Variants in WDR70 observed in about 807,000 individuals in gnomAD.
WDR70 encodes the protein WD repeat-containing protein 70.
Under a neutral mutation model 88.6 loss-of-function variants are expected in WDR70, and 53 were observed. The observed-to-expected ratio is 0.60, with a 90% CI of 0.48 to 0.75. WDR70 has a LOEUF of 0.75. Among genes scored for constraint, WDR70 ranks in the 30% least tolerant of loss-of-function variants. The probability of loss-of-function intolerance (pLI) is 0.00; values close to 1 mark genes in which losing one functional copy is unlikely to be tolerated. For missense variants in WDR70, 610 were observed against 823.2 expected (o/e 0.74, Z 3.17); for synonymous variants, 280 against 270.0 (o/e 1.04, Z -0.36).
chr5:37,676,821 CCTT>C (rs916712259), intron 10 of WDR70, among the ~76,000 whole-genome samples: 1 of 152,222 alleles, frequency 6.6e-6, no homozygotes, highest in Non-Finnish European at 1.5e-5. Flanking sequence ...ACCCGTTCCT[CCTT>C]CTACCTCTGG....
intron 9 of WDR70, among the ~76,000 whole-genome samples, chr5:37,591,187 G>A (rs963302379): frequency 2.0e-5 from 3 of 152,014 alleles, no homozygotes; most frequent in African/African-American, 7.2e-5. Flanking sequence ...ACAAAAGTTA[G>A]CCAGGCATAG....
At chr5:37,425,478 TA>T (rs1264487656) in intron 5 of WDR70, among the ~76,000 whole-genome samples, 1 of 152,080 alleles carries the variant, frequency 6.6e-6, no homozygotes, top group Non-Finnish European at 1.5e-5. Flanking sequence ...GGTGCAGGCA[TA>T]AGGAACAGCT....
At chr5:37,538,292 G>A (rs920444178) in intron 9 of WDR70, among the ~76,000 whole-genome samples, 1 of 152,226 alleles carries the variant, frequency 6.6e-6, no homozygotes, top group Admixed American at 6.5e-5. Flanking sequence ...TGACCATGGT[G>A]TAGATAGCCT....
At chr5:37,441,243 T>G (rs747722221) in intron 6 of WDR70, among the ~76,000 whole-genome samples, 5 of 152,230 alleles carry the variant, frequency 3.3e-5, no homozygotes, top group Non-Finnish European at 7.3e-5. Flanking sequence ...ACTATTCATT[T>G]ATTTTTGTTT....
At chr5:37,402,999 T>C (rs1376916905) in intron 5 of WDR70, among the ~76,000 whole-genome samples, 1 of 127,958 alleles carries the variant, frequency 7.8e-6, no homozygotes, top group Non-Finnish European at 1.6e-5. Flanking sequence ...CAGCCTGGAG[T>C]GCACTGGCAC....
chr5:37,556,331 T>C (rs556964599), intron 9 of WDR70, among the ~76,000 whole-genome samples: 94 of 152,284 alleles, frequency 6.2e-4, no homozygotes, highest in Admixed American at 1.8e-3. Flanking sequence ...TATCAAGGGA[T>C]TGGGTAGACT....
intron 7 of WDR70, among the ~76,000 whole-genome samples, chr5:37,452,092 A>G (rs528203369): frequency 2.0e-5 from 3 of 152,216 alleles, no homozygotes; most frequent in Admixed American, 2.0e-4. Context: ...TTGTTGAATC[A>G]TTGTTCTAGT....
At chr5:37,737,029 A>T (rs543636311) in intron 17 of WDR70, among the ~76,000 whole-genome samples, 57 of 152,152 alleles carry the variant, frequency 3.7e-4, no homozygotes, top group Non-Finnish European at 6.0e-4. Flanking sequence ...TATTGTGTTT[A>T]ACATAAAAAT....
At chr5:37,478,326 T>G (rs1469369596) in intron 7 of WDR70, among the ~76,000 whole-genome samples, 2 of 152,240 alleles carry the variant, frequency 1.3e-5, no homozygotes, top group Non-Finnish European at 2.9e-5. Context: ...CAATTGTGGT[T>G]GCCCTACTGT....
chr5:37,670,930 A>G (rs183105465), intron 10 of WDR70, among the ~76,000 whole-genome samples: 2 of 152,330 alleles, frequency 1.3e-5, no homozygotes, highest in East Asian at 3.9e-4. Context: ...GCACCTTTAT[A>G]TGACAGTTCT....
intron 9 of WDR70, among the ~76,000 whole-genome samples, chr5:37,567,586 C>T (rs1327225986): frequency 6.6e-6 from 1 of 151,938 alleles, no homozygotes; most frequent in Non-Finnish European, 1.5e-5. Flanking sequence ...ATTGCTGTGT[C>T]TCATGGGCTT....
At chr5:37,697,568 C>G (rs527780117) in intron 10 of WDR70, 87 bp from the exon 11 acceptor site, 2 of 1,051,214 alleles carry the variant, frequency 1.9e-6, no homozygotes, top group African/African-American at 3.1e-5. Context: ...TTATTTTCAT[C>G]GTAATAAAGT....
intron 8 of WDR70, among the ~76,000 whole-genome samples, chr5:37,483,332 T>G (rs923836750): frequency 1.3e-5 from 2 of 151,992 alleles, no homozygotes; most frequent in African/African-American, 4.8e-5. Context: ...TTCAAGCATC[T>G]GTTTAACAAA....
chr5:37,417,373 C>T (rs952866617), intron 5 of WDR70, among the ~76,000 whole-genome samples: 1 of 151,734 alleles, frequency 6.6e-6, no homozygotes, highest in Admixed American at 6.6e-5. Context: ...TACAGGTGGG[C>T]GCCACCATGC....
At chr5:37,506,194 T>C (rs1302228206) in intron 8 of WDR70, 2 of 1,003,242 alleles carry the variant, frequency 2.0e-6, no homozygotes, top group Non-Finnish European at 3.2e-6. Context: ...AAGTTCAAAC[T>C]CTGGTATCAC....
intron 7 of WDR70, among the ~76,000 whole-genome samples, chr5:37,472,180 A>G (rs1369549913): frequency 6.6e-6 from 1 of 152,004 alleles, no homozygotes; most frequent in African/African-American, 2.4e-5. Context: ...TGCCATTCTT[A>G]AAGCCTTGAC....
chr5:37,678,849 C>T (rs1308889551), intron 10 of WDR70, among the ~76,000 whole-genome samples: 2 of 152,244 alleles, frequency 1.3e-5, no homozygotes, highest in South Asian at 4.1e-4. Context: ...TTCCATTCTC[C>T]CCGTCACTTT....
intron 10 of WDR70, among the ~76,000 whole-genome samples, chr5:37,655,630 C>A (rs1170534921): frequency 6.6e-6 from 1 of 151,784 alleles, no homozygotes; most frequent in Admixed American, 6.6e-5. Context: ...AGGCTTTATT[C>A]ATTTCTTTTC....
In WDR70 at chr5:37,392,267, T is replaced by C; in HGVS notation, c.296+147T>C. The stretch of plus-strand genomic sequence containing the variant: ...GGCGTGATCTTGGCTGACTGTAACC[T>C]CCATCTCCTGGGTTCAGACGATTCT... On this transcript the variant is annotated intron_variant, in intron 4 of 17. Transcript: ENST00000265107. 3.2e-6 allele frequency: 3 copies of C among 926,904 alleles called. No individual in the cohort carries two copies. The South Asian group carries it at 5.8e-5, about 18-fold the overall frequency. 57.4% of individuals were successfully genotyped at this position (926,904 alleles called of 1,614,324 possible).
Sources: gnomAD v4.1 joint callset for allele counts (sites outside exome capture counted in the v4.1 genomes callset) on GRCh38, gnomAD v4.1.1 for gene constraint, MANE v1.5 for transcripts, NCBI Gene and HGNC (gene_info 2026-07-23, HGNC 2026-07-21) for gene names.